The following XPO6 variants were observed in gnomAD, a reference collection of about 807,000 sequenced individuals.
The protein encoded by XPO6 is exportin 6.
Under a neutral mutation model 130.0 loss-of-function variants are expected in XPO6, and 3 were observed. That is an observed-to-expected ratio of 0.02 (90% CI 0.01 to 0.06). The LOEUF is 0.06. Ranked by LOEUF, XPO6 falls within the 10% of genes least tolerant of loss-of-function variation. The pLI, the probability that XPO6 is intolerant of heterozygous loss-of-function variation, is 1.00. For synonymous variants in XPO6, 524 were observed against 548.9 expected (o/e 0.95, Z 0.63); for missense variants, 970 against 1,393.0 (o/e 0.70, Z 4.83).
Position 28,175,904 on chromosome 16 carries a change from A to C in XPO6, c.399T>G (p.Ile133Met). The C allele has an allele frequency of 6.2e-7, 1 of 1,614,000 alleles. No individual in the cohort carries two copies. Among genetic ancestry groups the C allele is most frequent in the Non-Finnish European group, 8.5e-7 (1 of 1,179,870 alleles). ...PMFYHDFFTNILQLIQSPVTT... is the reference protein window; with the variant it reads ...PMFYHDFFTNMLQLIQSPVTT... ...TCCTTAGGCATATCCTTACCTGTAA[A>C]ATGTTAGTAAAAAAGTCGTGGTAGA... The change falls in exon 4 of 24, where the codon ATT (isoleucine) becomes ATG (methionine). Residue 133 changes from isoleucine (I) to methionine (M), a missense_variant. Ile to Met is a conservative substitution (Grantham distance 10). Around this residue, in one of 4 missense-constraint regions of XPO6, gnomAD observed 936 missense variants for 1,306.8 expected, o/e 0.72. Coordinates refer to ENST00000304658, the MANE Select transcript of XPO6 (RefSeq NM_015171.4).
intron 15 of XPO6, among the ~76,000 whole-genome samples, chr16:28,116,437 G>A (rs1025458313): frequency 1.3e-5 from 2 of 151,160 alleles, no homozygotes; most frequent in African/African-American, 2.4e-5. Flanking sequence ...ACTCCAGCCC[G>A]GGCGACAGAG....
intron 1 of XPO6, among the ~76,000 whole-genome samples, chr16:28,187,774 A>G (rs1215941408): frequency 6.6e-6 from 1 of 151,042 alleles, no homozygotes; most frequent in Admixed American, 6.6e-5. Flanking sequence ...AGGAACAAGA[A>G]AACTGTTGGT....
intron 1 of XPO6, among the ~76,000 whole-genome samples, chr16:28,194,140 G>A (rs1245463956): frequency 2.0e-5 from 3 of 152,038 alleles, no homozygotes; most frequent in African/African-American, 7.2e-5. Context: ...CTATGGGAAT[G>A]ACATCAATGG....
Position 28,116,160 on chromosome 16 carries a change from G to C in XPO6, c.2004+1158C>G, listed in dbSNP as rs559502325. ...CTTTGCATTCACAACTTGGCTGTTT[G>C]GCTCAAGAGCCTTTGGCCAGGCCGG... On this transcript the variant is annotated intron_variant, in intron 15 of 23. Coordinates refer to ENST00000304658, the MANE Select transcript of XPO6 (RefSeq NM_015171.4). 9.2e-5 allele frequency among the ~76,000 whole-genome samples: 14 copies of C among 152,328 alleles called. No individual in the cohort carries two copies. In the South Asian group the frequency reaches 2.9e-3, roughly 32 times the overall value.
chr16:28,157,058 A>G (rs1027920061), intron 6 of XPO6, among the ~76,000 whole-genome samples: 4 of 152,364 alleles, frequency 2.6e-5, no homozygotes, highest in Admixed American at 2.6e-4. Flanking sequence ...AGTTAACAGA[A>G]GAAAATATAA....
At chr16:28,116,009 G>A (rs2087044268) in intron 15 of XPO6, among the ~76,000 whole-genome samples, 1 of 152,216 alleles carries the variant, frequency 6.6e-6, no homozygotes, top group African/African-American at 2.4e-5. Context: ...TTAAGGGAAT[G>A]TTGTGGCTAG....
At chr16:28,107,834 CCT>C (rs2086820721) in intron 17 of XPO6, among the ~76,000 whole-genome samples, 157 bp from the exon 18 acceptor site, 1 of 152,120 alleles carries the variant, frequency 6.6e-6, no homozygotes, top group African/African-American at 2.4e-5. Flanking sequence ...TATAAATTCT[CCT>C]CTCTTTATGT....
At chr16:28,104,449 A>G in intron 21 of XPO6, 97 bp downstream of exon 21, 1 of 1,452,802 alleles carries the variant, frequency 6.9e-7, no homozygotes, top group South Asian at 1.3e-5. Context: ...GGCAGAACTG[A>G]GCTTCAGACC....
rs151330754 is a variant in XPO6 at position 28,116,954 on chromosome 16, G to A, written c.2004+364C>T. ...GTAAAAAACACAGTCTCTGTGAAGC[G>A]CAATAAAGGGAAGTGCAATAAAATG... On this transcript the variant is annotated intron_variant, in intron 15 of 23. Transcript: ENST00000304658. 36 of 194,906 alleles carry A rather than the reference G, an allele frequency of 1.8e-4. No homozygotes were observed. The East Asian group carries it at 3.0e-3, about 16-fold the overall frequency. The allele number at this position is 194,906 out of a possible 1,614,324, so 12.1% of individuals were successfully genotyped here. A position where few individuals can be genotyped will look rare whatever the true frequency, so the allele number is the denominator to read the frequency against.
chr16:28,147,974 T>C (rs1000728064), intron 8 of XPO6, among the ~76,000 whole-genome samples: 6 of 152,004 alleles, frequency 3.9e-5, no homozygotes, highest in African/African-American at 1.5e-4. Context: ...ATATGAGTAG[T>C]CCTTGGACAG....
chr16:28,151,439 G>A (rs916065614), intron 8 of XPO6, among the ~76,000 whole-genome samples: 4 of 152,060 alleles, frequency 2.6e-5, no homozygotes, highest in Admixed American at 2.0e-4. Flanking sequence ...TCACAAACAC[G>A]ATGGCCAATA....
chr16:28,121,798 G>T, intron 13 of XPO6, 36 bp from the exon 14 acceptor site: 1 of 1,409,370 alleles, frequency 7.1e-7, no homozygotes, highest in African/African-American at 1.4e-5. Context: ...AGAACATTCA[G>T]CTTATGAACT....
intron 1 of XPO6, among the ~76,000 whole-genome samples, chr16:28,204,317 T>G (rs1016430503): frequency 6.6e-6 from 1 of 152,012 alleles, no homozygotes; most frequent in Non-Finnish European, 1.5e-5. Context: ...CTGGAAGTGC[T>G]GAAGTGGCAT....
chr16:28,157,653 T>C (rs2043204773), intron 6 of XPO6, among the ~76,000 whole-genome samples: 1 of 152,178 alleles, frequency 6.6e-6, no homozygotes, highest in Admixed American at 6.5e-5. Flanking sequence ...GCAGTTGATA[T>C]GGAGAGACAA....
intron 12 of XPO6, among the ~76,000 whole-genome samples, chr16:28,130,446 G>T (rs1408247494): frequency 6.6e-6 from 1 of 152,190 alleles, no homozygotes; most frequent in East Asian, 1.9e-4. Context: ...TTATTTGAGG[G>T]GGTAAATGGC....
At chr16:28,137,175 G>A (rs545855674) in intron 9 of XPO6, among the ~76,000 whole-genome samples, 4 of 152,308 alleles carry the variant, frequency 2.6e-5, no homozygotes, top group Admixed American at 6.5e-5. Context: ...GTCCCAGTTC[G>A]AAAAGATCCC....
At position 28,133,868 on chromosome 16, in the gene XPO6, G is replaced by A. The variant is rs574667532; in HGVS notation, c.1509C>T (p.Leu503=). Residue 503 remains leucine (L), a synonymous_variant, in exon 11 of 24, where the codon CTC becomes CTT. Coordinates refer to ENST00000304658, the MANE Select transcript of XPO6 (RefSeq NM_015171.4). ...GTGTGGAGAAGGCGTGCGTGGGCAG[G>A]AGCTCCATCACTTTGGCCACCACCT... ...SLEVVAKVME[L]LPTHAFSTLF... is the part of the protein sequence containing the mutation. 59 of 1,613,940 alleles carry A rather than the reference G, an allele frequency of 3.7e-5. No homozygotes were observed. The highest frequency in any genetic ancestry group is 1.3e-4 in the African/African-American group (10 of 74,910).
At chr16:28,103,115 AGACAG>A (rs1375725529) in intron 21 of XPO6, among the ~76,000 whole-genome samples, 1 of 152,162 alleles carries the variant, frequency 6.6e-6, no homozygotes, top group Non-Finnish European at 1.5e-5. Context: ...ATCACAACCA[AGACAG>A]GACACTTCCA....
chr16:28,206,107 T>G (rs182585334), intron 1 of XPO6, among the ~76,000 whole-genome samples: 1 of 148,932 alleles, frequency 6.7e-6, no homozygotes, highest in Non-Finnish European at 1.5e-5. Flanking sequence ...CATAGGTTCA[T>G]AGATGTAAGA....
Sources: gnomAD v4.1 joint callset for allele counts (sites outside exome capture counted in the v4.1 genomes callset) on GRCh38, gnomAD v4.1.1 for gene constraint, gnomAD v4.1.1 regional missense constraint, MANE v1.5 for transcripts, NCBI Gene and HGNC (gene_info 2026-07-23, HGNC 2026-07-21) for gene names.